FAM240C: variants seen among roughly 807,000 people sequenced by gnomAD.
FAM240C encodes the protein protein FAM240C.
A neutral mutation model predicts 10.0 loss-of-function variants in FAM240C; 14 were observed. That is an observed-to-expected ratio of 1.40 (90% CI 0.92 to 2.19). FAM240C has a LOEUF of 2.19. Among genes scored for constraint, FAM240C ranks in the 30% most tolerant of loss-of-function variants. The probability of loss-of-function intolerance (pLI) is 0.00; values close to 1 mark genes in which losing one functional copy is unlikely to be tolerated. For synonymous variants in FAM240C, 49 were observed against 44.3 expected (o/e 1.11, Z -0.42); for missense variants, 154 against 122.3 (o/e 1.26, Z -1.22).
At chr2:241,895,963 T>TC (rs554941726) in intron 2 of FAM240C, among the ~76,000 whole-genome samples, 2 of 148,880 alleles carry the variant, frequency 1.3e-5, no homozygotes, top group East Asian at 2.0e-4. Context: ...CACTCGGTGG[T>TC]GGGGGGGGGC....
At chr2:241,896,516 T>TGGGGG (rs1559468273) in intron 2 of FAM240C, among the ~76,000 whole-genome samples, 1 of 78,250 alleles carries the variant, frequency 1.3e-5, no homozygotes. Flanking sequence ...GGTGTGGGTG[T>TGGGGG]TGGGGTGTGG....
intron 2 of FAM240C, among the ~76,000 whole-genome samples, chr2:241,896,039 T>C (rs1157796614): frequency 1.3e-5 from 2 of 151,902 alleles, no homozygotes; most frequent in Non-Finnish European, 1.5e-5. Context: ...TCCATGTCCG[T>C]AGTTGGGTAG....
In FAM240C at chr2:241,897,258, T is replaced by G. The variant is rs1030212416; in HGVS notation, c.89A>C (p.Glu30Ala). 106 of 1,549,834 alleles carry G rather than the reference T, an allele frequency of 6.8e-5. No individual in the cohort carries two copies. Among genetic ancestry groups the G allele is most frequent in the Non-Finnish European group, 9.2e-5 (105 of 1,146,556 alleles). ...YDSGGIKMFWEKKIEHHARHL... is the reference protein window; with the variant it reads ...YDSGGIKMFWAKKIEHHARHL... ...TCTTGCGTGATGCTCGATTTTTTTCTCCCAAAACATCTTTATCCCGCCTGA... is the reference window on the plus strand; with the variant it reads ...TCTTGCGTGATGCTCGATTTTTTTCGCCCAAAACATCTTTATCCCGCCTGA... Residue 30 changes from glutamate (E) to alanine (A), a missense_variant, in exon 2 of 3, where the codon GAG becomes GCG. By Grantham distance (107) the Glu-to-Ala change is moderately radical. Transcript: ENST00000404031.
rs1412952197 is a variant in FAM240C at position 241,899,245 on chromosome 2, C to T, written c.12+1113G>A. ...GGGCTTCCAGCTGCAGAGGCGCGGGCGCTGTGGCCTGCGCAGCCTGTTGTG... is the reference window on the plus strand; with the variant it reads ...GGGCTTCCAGCTGCAGAGGCGCGGGTGCTGTGGCCTGCGCAGCCTGTTGTG... On this transcript the variant is annotated intron_variant, in intron 1 of 2. Transcript: ENST00000404031. 6.1e-6 allele frequency: 8 copies of T among 1,301,426 alleles called. No homozygotes were observed. In the African/African-American group the frequency reaches 7.6e-5, roughly 12 times the overall value. The allele number at this position is 1,301,426 out of a possible 1,614,324, so 80.6% of individuals were successfully genotyped here. A position where few individuals can be genotyped will look rare whatever the true frequency, so the allele number is the denominator to read the frequency against.
At chr2:241,899,036 C>G in intron 1 of FAM240C, 1 of 983,836 alleles carries the variant, frequency 1.0e-6, no homozygotes. Flanking sequence ...TGGGGAAGAA[C>G]ACAGGGTGGC....
At chr2:241,898,544 TCAAACAAACAAA>T (rs66467284) in intron 1 of FAM240C, among the ~76,000 whole-genome samples, 1 of 151,340 alleles carries the variant, frequency 6.6e-6, no homozygotes, top group African/African-American at 2.4e-5. Flanking sequence ...AGACTCCGTC[TCAAACAAACAAA>T]CAAACAAACA....
At chr2:241,896,330 T>C (rs1437300914) in intron 2 of FAM240C, among the ~76,000 whole-genome samples, 1 of 152,168 alleles carries the variant, frequency 6.6e-6, no homozygotes, top group Non-Finnish European at 1.5e-5. Flanking sequence ...TGGCTTGGTA[T>C]CTGCCTTCCT....
chr2:241,896,944 C>G (rs77205168), intron 2 of FAM240C, among the ~76,000 whole-genome samples: 11 of 150,684 alleles, frequency 7.3e-5, no homozygotes, highest in Admixed American at 2.6e-4. Flanking sequence ...CCTGGTCTCA[C>G]GGTTAGCAAC....
In FAM240C at chr2:241,894,155, G is replaced by C; in HGVS notation, c.*58C>G. The stretch of plus-strand genomic sequence containing the variant: ...GCGTGGATGCTTGGACCCCACGCGT[G>C]GTGTTCCTTCTCCATGACCCTCCGG... On this transcript the variant is annotated 3_prime_UTR_variant, in exon 3 of 3. Transcript: ENST00000404031. 1 of 1,516,126 alleles carries C rather than the reference G, an allele frequency of 6.6e-7. No individual in the cohort carries two copies. The highest frequency in any genetic ancestry group is 1.2e-5 in the South Asian group (1 of 82,574). The allele number at this position is 1,516,126 out of a possible 1,614,324, so 93.9% of individuals were successfully genotyped here. A position where few individuals can be genotyped will look rare whatever the true frequency, so the allele number is the denominator to read the frequency against.
At chr2:241,898,617 C>T (rs1701908471) in intron 1 of FAM240C, among the ~76,000 whole-genome samples, 1 of 12,328 alleles carries the variant, frequency 8.1e-5, no homozygotes, top group Non-Finnish European at 1.3e-4. Context: ...AGCAGCAGCC[C>T]CTTTTCTGGA....
At chr2:241,896,122 C>T (rs1464994214) in intron 2 of FAM240C, among the ~76,000 whole-genome samples, 1 of 152,164 alleles carries the variant, frequency 6.6e-6, no homozygotes, top group African/African-American at 2.4e-5. Context: ...CCACGGCTCT[C>T]TTGCTCGGGG....
At chr2:241,897,041 C>T in intron 2 of FAM240C, 145 bp downstream of exon 2, 2 of 855,022 alleles carry the variant, frequency 2.3e-6, no homozygotes, top group East Asian at 2.7e-5. Flanking sequence ...GGGTTGACTC[C>T]TTTCACAGGC....
chr2:241,895,655 C>T (rs536623085), intron 2 of FAM240C, among the ~76,000 whole-genome samples: 6 of 152,310 alleles, frequency 3.9e-5, no homozygotes, highest in South Asian at 2.1e-4. Context: ...TGGGGAGAAC[C>T]GGGCTGTGTG....
At chr2:241,895,112 G>A (rs931136166) in intron 2 of FAM240C, among the ~76,000 whole-genome samples, 1 of 152,268 alleles carries the variant, frequency 6.6e-6, no homozygotes, top group East Asian at 1.9e-4. Flanking sequence ...AGATGCCCAG[G>A]ACCCAGATGA....
At chr2:241,894,784 GC>G (rs1701752193) in intron 2 of FAM240C, among the ~76,000 whole-genome samples, 2 of 152,160 alleles carry the variant, frequency 1.3e-5, no homozygotes, top group South Asian at 4.1e-4. Context: ...GCTGCCTAGG[GC>G]CCGCCTGCCT....
At chr2:241,900,573 G>A, upstream of FAM240C, 2 of 576,320 alleles carry the variant, frequency 3.5e-6, no homozygotes, top group Non-Finnish European at 6.3e-6. The surrounding 1 kb of genome is among the most constrained non-coding windows in gnomAD (Gnocchi z 4.5). Flanking sequence ...GAGGGCAGCT[G>A]TTGGCAGCAT....
chr2:241,895,877 G>A (rs940646310), intron 2 of FAM240C, among the ~76,000 whole-genome samples: 10 of 151,960 alleles, frequency 6.6e-5, no homozygotes, highest in Non-Finnish European at 1.3e-4. Context: ...GCAGAGGCAC[G>A]CGGAGGCACG....
chr2:241,901,067 C>G (rs1328591523), upstream of FAM240C, among the ~76,000 whole-genome samples: 1 of 152,094 alleles, frequency 6.6e-6, no homozygotes, highest in Non-Finnish European at 1.5e-5. The surrounding 1 kb of genome is among the most constrained non-coding windows in gnomAD (Gnocchi z 4.9). Context: ...GGAAGGCAGG[C>G]GAGCAGGAGC....
chr2:241,895,878 C>T (rs1321371107), intron 2 of FAM240C, among the ~76,000 whole-genome samples: 2 of 150,476 alleles, frequency 1.3e-5, no homozygotes, highest in East Asian at 2.0e-4. Context: ...CAGAGGCACG[C>T]GGAGGCACGT....
Sources: gnomAD v4.1 joint callset for allele counts (sites outside exome capture counted in the v4.1 genomes callset) on GRCh38, gnomAD v4.1.1 for gene constraint, Gnocchi (gnomAD v3.1) non-coding constraint, MANE v1.5 for transcripts, NCBI Gene and HGNC (gene_info 2026-07-23, HGNC 2026-07-21) for gene names.